Variants in PPA2 observed in about 807,000 individuals in gnomAD.
The protein encoded by PPA2 is inorganic pyrophosphatase 2, mitochondrial.
PPA2 carries 48 observed loss-of-function variants against 49.5 expected under a neutral mutation model. The observed-to-expected ratio is 0.97, with a 90% CI of 0.77 to 1.23. The LOEUF (loss-of-function observed/expected upper bound fraction) is 1.23. Among genes scored for constraint, PPA2 ranks in the 50% most tolerant of loss-of-function variants. The probability of loss-of-function intolerance (pLI) is 0.00; values close to 1 mark genes in which losing one functional copy is unlikely to be tolerated. For missense variants in PPA2, 429 were observed against 410.1 expected, an observed-to-expected ratio of 1.05 and a Z score of -0.40; for synonymous variants, 131 against 139.9, an observed-to-expected ratio of 0.94 and a Z score of 0.45.
intron 7 of PPA2, among the ~76,000 whole-genome samples, chr4:105,417,560 A>AC (rs199948533): frequency 1.4e-4 from 20 of 140,648 alleles, no homozygotes; most frequent in African/African-American, 6.2e-4. Context: ...ACTGAAACCA[A>AC]AAAAAAAAAA....
At chr4:105,371,053 AAAC>A (rs1337501091) in intron 10 of PPA2, among the ~76,000 whole-genome samples, 180 bp from the exon 11 acceptor site, 2 of 152,116 alleles carry the variant, frequency 1.3e-5, no homozygotes, top group Non-Finnish European at 2.9e-5. Flanking sequence ...TCAGATAAAC[AAAC>A]AACAGACTTA....
chr4:105,410,216 TA>T (rs1247911601), intron 7 of PPA2, among the ~76,000 whole-genome samples: 2 of 152,192 alleles, frequency 1.3e-5, no homozygotes, highest in Non-Finnish European at 2.9e-5. Context: ...GAGAACACCT[TA>T]AATGACCTGA....
At chr4:105,459,825 C>T (rs1342025264) in intron 1 of PPA2, among the ~76,000 whole-genome samples, 1 of 152,166 alleles carries the variant, frequency 6.6e-6, no homozygotes, top group Non-Finnish European at 1.5e-5. Flanking sequence ...AACTCAGTTC[C>T]ATTTACATAA....
rs577559127 is a variant in PPA2 at position 105,426,797 on chromosome 4, G to A, written c.529-2475C>T. ...GAGCACATCTGAACAAAAGGGAGCA[G>A]ACAGCTTCTCCAGACTTAAATGTCC... On this transcript the variant is annotated intron_variant, in intron 6 of 11. Coordinates refer to ENST00000341695, the MANE Select transcript of PPA2 (RefSeq NM_176869.3). Among the ~76,000 whole-genome samples the A allele has an allele frequency of 3.9e-5, 6 of 152,364 alleles. No individual in the cohort carries two copies. In the South Asian group the frequency reaches 1.0e-3, roughly 26 times the overall value.
chr4:105,440,834 G>C (rs149008084), intron 5 of PPA2, among the ~76,000 whole-genome samples: 24 of 152,192 alleles, frequency 1.6e-4, no homozygotes, highest in African/African-American at 5.8e-4. Context: ...TCCATATGTT[G>C]AGAAATTAAG....
At chr4:105,397,370 T>C (rs1734190885) in intron 8 of PPA2, among the ~76,000 whole-genome samples, 1 of 152,156 alleles carries the variant, frequency 6.6e-6, no homozygotes, top group Non-Finnish European at 1.5e-5. Context: ...GGACAAGAAA[T>C]CTAATACATT....
chr4:105,383,870 T>C (rs963498337), intron 10 of PPA2, among the ~76,000 whole-genome samples: 3 of 147,848 alleles, frequency 2.0e-5, no homozygotes, highest in African/African-American at 5.0e-5. Flanking sequence ...GAATGACTTC[T>C]GTGTCTTCAA....
At chr4:105,473,772 A>T (rs765419828) in intron 1 of PPA2, 122 bp downstream of exon 1, 2 of 1,404,406 alleles carry the variant, frequency 1.4e-6, no homozygotes, top group East Asian at 2.3e-5. Flanking sequence ...CCGCGCGGCT[A>T]CCGCTGAGGG....
chr4:105,412,125 G>A lies in PPA2; in HGVS notation c.655+12071C>T, dbSNP rs187861036. ...TTCATATGGAATCAAAAAAGAGCCCGCATAGCCAAGGCAATCCTAAGCAAA... is the reference window on the plus strand; with the variant it reads ...TTCATATGGAATCAAAAAAGAGCCCACATAGCCAAGGCAATCCTAAGCAAA... On this transcript the variant is annotated intron_variant, in intron 7 of 11. Transcript: ENST00000341695. 4.2e-4 allele frequency among the ~76,000 whole-genome samples: 64 copies of A among 152,232 alleles called. No individual in the cohort carries two copies. The East Asian group carries it at 5.2e-3, about 12-fold the overall frequency.
At chr4:105,374,992 G>A (rs1344340323) in intron 10 of PPA2, among the ~76,000 whole-genome samples, 1 of 151,462 alleles carries the variant, frequency 6.6e-6, no homozygotes, top group Non-Finnish European at 1.5e-5. Flanking sequence ...GTGCCCAGCC[G>A]GACATTGTCT....
chr4:105,379,630 A>ATTTTTTT (rs70964652), intron 10 of PPA2, among the ~76,000 whole-genome samples: 3 of 127,708 alleles, frequency 2.3e-5, no homozygotes, highest in Non-Finnish European at 3.2e-5. Flanking sequence ...CGCCTGGCTA[A>ATTTTTTT]TTTTTTTTTT....
At chr4:105,390,402 A>C (rs915391711) in intron 9 of PPA2, among the ~76,000 whole-genome samples, 47 of 152,318 alleles carry the variant, frequency 3.1e-4, no homozygotes, top group South Asian at 1.5e-3. Context: ...AAATTTTTGC[A>C]ATCTACTTAC....
chr4:105,415,451 G>A (rs1578837355), intron 7 of PPA2, among the ~76,000 whole-genome samples: 1 of 152,342 alleles, frequency 6.6e-6, no homozygotes, highest in East Asian at 1.9e-4. Context: ...ACCTGGCTGC[G>A]TTGCAACAGC....
intron 7 of PPA2, among the ~76,000 whole-genome samples, chr4:105,413,108 T>C (rs949458033): frequency 2.0e-5 from 3 of 152,226 alleles, no homozygotes; most frequent in Middle Eastern, 3.4e-3. Flanking sequence ...TAGACTGGAT[T>C]AAGAAAATGT....
intron 2 of PPA2, among the ~76,000 whole-genome samples, chr4:105,454,148 G>A (rs78981616): frequency 9.2e-5 from 14 of 152,026 alleles, no homozygotes; most frequent in Admixed American, 5.2e-4. Context: ...AACTGACTTC[G>A]TGGTGGGTTG....
At chr4:105,376,356 G>A (rs2636697) in intron 10 of PPA2, among the ~76,000 whole-genome samples, 145,894 of 152,306 alleles carry the variant, frequency 0.96, 70,024 homozygotes, top group African/African-American at 0.99. Flanking sequence ...TTTACTGAGA[G>A]ATAAGATCTA....
At chr4:105,472,779 T>C (rs1206447759) in intron 1 of PPA2, among the ~76,000 whole-genome samples, 1 of 152,230 alleles carries the variant, frequency 6.6e-6, no homozygotes, top group Non-Finnish European at 1.5e-5. Context: ...TAAACTCATG[T>C]AGCATAACTG....
At chr4:105,456,804 A>T (rs1293204508) in intron 1 of PPA2, 59 bp from the exon 2 acceptor site, 1 of 1,320,306 alleles carries the variant, frequency 7.6e-7, no homozygotes, top group Non-Finnish European at 1.0e-6. Context: ...ACATTGTTCT[A>T]TACAGCAATA....
chr4:105,461,480 G>GC (rs1310126737), intron 1 of PPA2, among the ~76,000 whole-genome samples: 1 of 152,230 alleles, frequency 6.6e-6, no homozygotes, highest in Non-Finnish European at 1.5e-5. Context: ...GTTGGTATCA[G>GC]CATCTGTGGA....
Sources: gnomAD v4.1 joint callset for allele counts (sites outside exome capture counted in the v4.1 genomes callset) on GRCh38, gnomAD v4.1.1 for gene constraint, MANE v1.5 for transcripts, NCBI Gene and HGNC (gene_info 2026-07-23, HGNC 2026-07-21) for gene names.